Variants in XPR1 observed in about 807,000 individuals in gnomAD.
The protein encoded by XPR1 is xenotropic and polytropic retrovirus receptor 1, also known as solute carrier family 53 member 1.
XPR1 carries 28 observed loss-of-function variants against 87.5 expected under a neutral mutation model. That is an observed-to-expected ratio of 0.32 (90% confidence interval 0.24 to 0.44). XPR1 has a LOEUF of 0.44. Among genes scored for constraint, XPR1 ranks in the 20% least tolerant of loss-of-function variants. The probability of loss-of-function intolerance (pLI) is 1.00; values close to 1 mark genes in which losing one functional copy is unlikely to be tolerated. For synonymous variants in XPR1, 300 were observed against 306.1 expected, an observed-to-expected ratio of 0.98 and a Z score of 0.21; for missense variants, 559 against 862.3, an observed-to-expected ratio of 0.65 and a Z score of 4.41.
chr1:180,687,770 C>T (rs1440447164), intron 2 of XPR1, among the ~76,000 whole-genome samples: 1 of 151,776 alleles, frequency 6.6e-6, no homozygotes, highest in East Asian at 1.9e-4. Flanking sequence ...ATGATTATAA[C>T]TAGGAAGTGC....
At chr1:180,677,416 G>T (rs1426667463) in intron 1 of XPR1, among the ~76,000 whole-genome samples, 1 of 152,126 alleles carries the variant, frequency 6.6e-6, no homozygotes, top group African/African-American at 2.4e-5. Flanking sequence ...GTGCTGATTG[G>T]TTGGGTTGGA....
intron 3 of XPR1, among the ~76,000 whole-genome samples, chr1:180,798,945 G>C (rs1430346337): frequency 6.6e-6 from 1 of 152,130 alleles, no homozygotes; most frequent in African/African-American, 2.4e-5. Flanking sequence ...TATATTATTG[G>C]TCATGGAAGT....
chr1:180,798,135 A>C (rs1482675206), intron 3 of XPR1, among the ~76,000 whole-genome samples: 1 of 152,146 alleles, frequency 6.6e-6, no homozygotes, highest in Admixed American at 6.5e-5. Context: ...ATACATAAAA[A>C]ATACAAAATT....
chr1:180,749,772 C>G (rs1354962686), intron 2 of XPR1, among the ~76,000 whole-genome samples: 1 of 151,848 alleles, frequency 6.6e-6, no homozygotes, highest in African/African-American at 2.4e-5. Flanking sequence ...TCCCATTTGA[C>G]CTTTTCAAAC....
intron 2 of XPR1, among the ~76,000 whole-genome samples, chr1:180,705,128 G>T (rs1469145204): frequency 6.6e-6 from 1 of 151,944 alleles, no homozygotes; most frequent in East Asian, 1.9e-4. Context: ...ATACTCTTAG[G>T]CATGGCAACC....
intron 2 of XPR1, among the ~76,000 whole-genome samples, chr1:180,734,244 A>G (rs751189147): frequency 5.9e-5 from 9 of 152,204 alleles, no homozygotes; most frequent in Non-Finnish European, 1.3e-4. Context: ...CAACCACTGA[A>G]AAAGGAGTAT....
chr1:180,698,265 C>T (rs1657234267), intron 2 of XPR1, among the ~76,000 whole-genome samples: 1 of 151,982 alleles, frequency 6.6e-6, no homozygotes, highest in African/African-American at 2.4e-5. Context: ...CTTTTGGTTT[C>T]CATTTGCGGG....
intron 2 of XPR1, among the ~76,000 whole-genome samples, chr1:180,697,833 T>A (rs1474883102): frequency 1.3e-5 from 2 of 152,108 alleles, no homozygotes; most frequent in African/African-American, 2.4e-5. Context: ...TTTGATTTTT[T>A]AAAAATTCTT....
chr1:180,659,092 C>T (rs1250292315), intron 1 of XPR1, among the ~76,000 whole-genome samples: 4 of 144,826 alleles, frequency 2.8e-5, no homozygotes, highest in Non-Finnish European at 1.5e-5. Flanking sequence ...TCCTTCCTTC[C>T]TCCCTCCCTC....
intron 2 of XPR1, among the ~76,000 whole-genome samples, chr1:180,747,213 A>G (rs1557987045): frequency 6.6e-6 from 1 of 152,186 alleles, no homozygotes; most frequent in African/African-American, 2.4e-5. Context: ...GTAAGTATAC[A>G]TTTTTTAAAA....
intron 11 of XPR1, among the ~76,000 whole-genome samples, chr1:180,859,658 A>G (rs1652155641): frequency 6.6e-6 from 1 of 152,164 alleles, no homozygotes; most frequent in African/African-American, 2.4e-5. Context: ...TGTGCTAATC[A>G]TTGTTTGAAG....
chr1:180,787,911 T>C (rs1649216885), intron 3 of XPR1, 57 bp downstream of exon 3: 2 of 1,291,926 alleles, frequency 1.5e-6, no homozygotes, highest in Non-Finnish European at 1.1e-6. Context: ...TTGTACCATA[T>C]CATTGTTTAA....
chr1:180,828,832 A>C (rs896300324), intron 9 of XPR1, among the ~76,000 whole-genome samples: 4 of 152,160 alleles, frequency 2.6e-5, no homozygotes, highest in Non-Finnish European at 5.9e-5. Flanking sequence ...AACATTTAAC[A>C]CTTAGCCCTA....
intron 1 of XPR1, among the ~76,000 whole-genome samples, chr1:180,637,920 ATATAT>A (rs1295098116): frequency 6.6e-6 from 1 of 152,196 alleles, no homozygotes; most frequent in Non-Finnish European, 1.5e-5. Context: ...CTGTAAGTGT[ATATAT>A]TATGAGTATT....
intron 1 of XPR1, among the ~76,000 whole-genome samples, chr1:180,670,232 GTA>G: frequency 6.6e-6 from 1 of 152,060 alleles, no homozygotes; most frequent in African/African-American, 2.4e-5. Flanking sequence ...TACATCTAAA[GTA>G]ATTACTGATA....
intron 2 of XPR1, among the ~76,000 whole-genome samples, chr1:180,739,686 T>C (rs892279166): frequency 6.6e-6 from 1 of 152,202 alleles, no homozygotes; most frequent in Non-Finnish European, 1.5e-5. Context: ...AAAAAATCTG[T>C]TGTAAATGGT....
intron 11 of XPR1, among the ~76,000 whole-genome samples, chr1:180,856,864 A>G (rs970619398): frequency 3.9e-5 from 6 of 152,206 alleles, no homozygotes; most frequent in Non-Finnish European, 7.3e-5. Context: ...CTCCCCAAAG[A>G]TACCTAGAGC....
intron 1 of XPR1, among the ~76,000 whole-genome samples, chr1:180,659,129 T>A (rs1322808856): frequency 6.8e-4 from 65 of 95,952 alleles, no homozygotes; most frequent in African/African-American, 2.5e-3. Flanking sequence ...CCTCCTTCCC[T>A]CCCTCCCTCC....
At chr1:180,704,568 T>C (rs1453381771) in intron 2 of XPR1, among the ~76,000 whole-genome samples, 2 of 151,510 alleles carry the variant, frequency 1.3e-5, no homozygotes, top group Non-Finnish European at 2.9e-5. Flanking sequence ...AAGTGTCTTA[T>C]TCAATTTGTA....
Sources: allele counts gnomAD v4.1 joint callset (sites outside exome capture counted in the v4.1 genomes callset), GRCh38; gene constraint gnomAD v4.1.1; transcripts MANE v1.5; gene names NCBI Gene and HGNC (gene_info 2026-07-23, HGNC 2026-07-21).